The following ZNF518A variants were observed in gnomAD, a reference collection of about 807,000 sequenced individuals.
The protein encoded by ZNF518A is zinc finger protein 518.
A neutral mutation model predicts 102.7 loss-of-function variants in ZNF518A; 47 were observed. The ratio of observed to expected loss-of-function variants is 0.46; its 90% CI spans 0.36 to 0.58. The LOEUF is 0.58. Among genes scored for constraint, ZNF518A ranks in the 20% least tolerant of loss-of-function variants. The probability of loss-of-function intolerance (pLI) is 0.00; values close to 1 mark genes in which losing one functional copy is unlikely to be tolerated. For synonymous variants in ZNF518A, 652 were observed against 594.6 expected (o/e 1.10, Z -1.40); for missense variants, 1,793 against 1,699.8 (o/e 1.05, Z -0.96).
rs587603099 is a variant in ZNF518A at position 96,170,343 on chromosome 10, C to T, written n.35+14296C>T. Among the ~76,000 whole-genome samples the T allele has an allele frequency of 3.3e-4, 50 of 152,296 alleles. 2 individuals are homozygous for T. The South Asian group carries it at 9.7e-3, about 30-fold the overall frequency. On this transcript the variant is annotated intron_variant and non_coding_transcript_variant, in intron 1 of 2. Coordinates refer to the ZNF518A transcript ENST00000442635. Reference sequence around the variant, plus strand: ...TAGCAACTTTAGCTCTGGACCAACTCCAAGTTAGGCAAAATAAAGACAGGC... The same window carrying T: ...TAGCAACTTTAGCTCTGGACCAACTTCAAGTTAGGCAAAATAAAGACAGGC...
At chr10:96,141,748 AT>A (rs11361841) in intron 3 of ZNF518A, among the ~76,000 whole-genome samples, 69,350 of 124,714 alleles carry the variant, frequency 0.56, 17,871 homozygotes, top group East Asian at 0.8. Flanking sequence ...TTTCTTCTTC[AT>A]TTTTTTTTTT....
In ZNF518A at chr10:96,141,257, A is replaced by C. The variant is rs111986022; in HGVS notation, c.-302+7609A>C. On this transcript the variant is annotated intron_variant, in intron 3 of 5. Coordinates refer to ENST00000316045, the MANE Select transcript of ZNF518A (RefSeq NM_001330736.2). ...ATAATGAAATTATGTAATAGTATAA[A>C]GCAATTTGTAATAAATGGTGAGCAC... is the stretch of plus-strand genomic sequence containing the variant. Among the ~76,000 whole-genome samples, 58 of 152,356 alleles carry C rather than the reference A, an allele frequency of 3.8e-4. 2 individuals are homozygous for C. The highest frequency in any genetic ancestry group is 1.3e-3 in the African/African-American group (54 of 41,588).
intron 1 of ZNF518A, among the ~76,000 whole-genome samples, chr10:96,197,809 G>A (rs1002361792): frequency 2.0e-5 from 3 of 151,610 alleles, no homozygotes; most frequent in African/African-American, 4.8e-5. Context: ...CCAGCTACTC[G>A]GGAGGCTGAG....
intron 1 of ZNF518A, among the ~76,000 whole-genome samples, chr10:96,198,791 T>C (rs1251788759): frequency 6.6e-6 from 1 of 152,224 alleles, no homozygotes; most frequent in Non-Finnish European, 1.5e-5. Flanking sequence ...TTCCGCCTCC[T>C]AGGCCCAACC....
At chr10:96,146,728 T>A (rs2082188780) in intron 3 of ZNF518A, among the ~76,000 whole-genome samples, 1 of 152,218 alleles carries the variant, frequency 6.6e-6, no homozygotes, top group African/African-American at 2.4e-5. Flanking sequence ...CTCATTGTGT[T>A]CTCTCTGGTC....
rs1327405442 is a variant in ZNF518A at position 96,161,099 on chromosome 10, A to T, written c.*325A>T. On this transcript the variant is annotated 3_prime_UTR_variant, in exon 6 of 6. Transcript: ENST00000316045. ...CTTTAGTTCTTTAGTGACTCTTAGT[A>T]GAGGGTAATGGCTGACACCCCCATT... is the stretch of plus-strand genomic sequence containing the variant. The T allele has an allele frequency of 2.5e-5, 5 of 201,692 alleles. No individual in the cohort carries two copies. The highest frequency in any genetic ancestry group is 1.2e-4 in the Admixed American group (2 of 16,796). 12.5% of individuals were successfully genotyped at this position (201,692 alleles called of 1,614,324 possible). A position where few individuals can be genotyped will look rare whatever the true frequency, so the allele number is the denominator to read the frequency against.
downstream of ZNF518A, chr10:96,204,916 G>T (rs1441392554): frequency 1.3e-5 from 5 of 371,910 alleles, no homozygotes; most frequent in African/African-American, 1.0e-4. Flanking sequence ...TGTGAGTATA[G>T]GTGGAAGCCA....
chr10:96,137,116 G>A (rs2081635135), intron 3 of ZNF518A, among the ~76,000 whole-genome samples: 1 of 152,184 alleles, frequency 6.6e-6, no homozygotes, highest in African/African-American at 2.4e-5. Flanking sequence ...GCACCTGCTA[G>A]CATCTTTATT....
At chr10:96,140,634 A>G (rs1476187291) in intron 3 of ZNF518A, among the ~76,000 whole-genome samples, 1 of 152,142 alleles carries the variant, frequency 6.6e-6, no homozygotes, top group East Asian at 1.9e-4. Flanking sequence ...CCTACCTATT[A>G]AAAAGGTGAT....
rs782466569 is a variant in ZNF518A, at chr10:96,157,999, G to T, written c.1677G>T (p.Leu559Phe). 3 of 1,613,742 alleles carry T rather than the reference G, an allele frequency of 1.9e-6. No individual in the cohort carries two copies. Among genetic ancestry groups the T allele is most frequent in the African/African-American group, 1.3e-5 (1 of 75,014 alleles). ...CTTCTTTGTCAGCAACATCAGAATTGGTTACAGCATCAGTGAATTTGACCA... is the reference window on the plus strand; with the variant it reads ...CTTCTTTGTCAGCAACATCAGAATTTGTTACAGCATCAGTGAATTTGACCA... ...SVSSLSATSE[L>F]VTASVNLTTK... The change falls in exon 6 of 6, where the codon TTG becomes TTT. Residue 559 changes from leucine (L) to phenylalanine (F), a missense_variant. Transcript: ENST00000316045.
In ZNF518A at chr10:96,157,450, A is replaced by C. The variant is rs782187562; in HGVS notation, c.1128A>C (p.Arg376Ser). The change falls in exon 6 of 6, where the codon AGA (arginine) becomes AGC (serine). Residue 376 changes from arginine to serine, a missense_variant. By Grantham distance (110) the Arg-to-Ser change is moderately radical. This residue lies in a region of ZNF518A where 1,741 missense variants were observed against 1,622.6 expected (regional missense o/e 1.07). Coordinates refer to ENST00000316045, the MANE Select transcript of ZNF518A (RefSeq NM_001330736.2). ...ATTTAAGTGAAGAAAAGGATGAAAG[A>C]CTACACTGTGAGAATAATGATAAAG... is the stretch of plus-strand genomic sequence containing the variant. ...QEHLSEEKDE[R>S]LHCENNDKAP... The C allele has an allele frequency of 9.3e-6, 15 of 1,613,722 alleles. No homozygotes were observed. In the Admixed American group the frequency reaches 1.5e-4, roughly 16 times the overall value.
Position 96,157,622 on chromosome 10 carries a change from C to G in ZNF518A, c.1300C>G (p.Leu434Val), listed in dbSNP as rs1405985162. 3.7e-6 allele frequency: 6 copies of G among 1,613,704 alleles called. No homozygotes were observed. Among genetic ancestry groups the G allele is most frequent in the Non-Finnish European group, 5.1e-6 (6 of 1,179,802 alleles). The change falls in exon 6 of 6, where the codon CTA (leucine) becomes GTA (valine). Residue 434 changes from leucine (L) to valine (V), a missense_variant. By Grantham distance (32) the Leu-to-Val change is conservative. Transcript: ENST00000316045. ...LKNVMMKNNK[L>V]AVSPNYNATF... is the part of the protein sequence containing the mutation. ...AAATGTAATGATGAAAAATAATAAA[C>G]TAGCAGTTTCCCCTAACTATAATGC...
chr10:96,148,361 A>G (rs1327279662), intron 3 of ZNF518A, among the ~76,000 whole-genome samples: 3 of 151,872 alleles, frequency 2.0e-5, no homozygotes, highest in African/African-American at 7.3e-5. Context: ...AATCGCTTGA[A>G]CCTGGGAGGT....
At chr10:96,166,539 C>T (rs11188643), downstream of ZNF518A, among the ~76,000 whole-genome samples, 46,525 of 151,844 alleles carry the variant, frequency 0.31, 8,237 homozygotes, top group East Asian at 0.66. Context: ...GAGGCCGAGA[C>T]GGGCGGATCA....
downstream of ZNF518A, chr10:96,204,642 G>A (rs1554897014): frequency 6.2e-7 from 1 of 1,609,736 alleles, no homozygotes; most frequent in Non-Finnish European, 8.5e-7. Flanking sequence ...TATCATATTA[G>A]GATTAGAGTG....
At position 96,200,813 on chromosome 10, in the gene ZNF518A, A is replaced by C. The variant is rs191515400; in HGVS notation, n.36-2761A>C. Among the ~76,000 whole-genome samples the C allele has an allele frequency of 2.7e-4, 41 of 152,360 alleles. No homozygotes were observed. In the East Asian group the frequency reaches 7.3e-3, roughly 27 times the overall value. ...GAGCAATGTCTTAGTCATTGAAAAA[A>C]AACAACAACTGGGTATTCTGTCCCT... On this transcript the variant is annotated intron_variant and non_coding_transcript_variant, in intron 1 of 2. Coordinates refer to the ZNF518A transcript ENST00000442635. The surrounding 1 kb of genome is among the most constrained non-coding windows in gnomAD (Gnocchi z 4.3).
intron 1 of ZNF518A, among the ~76,000 whole-genome samples, chr10:96,185,251 C>A (rs2083265010): frequency 6.6e-6 from 1 of 152,190 alleles, no homozygotes. Context: ...TTTGAACATC[C>A]TCCTTTAGCT....
At chr10:96,172,447 T>C (rs2083179315) in intron 1 of ZNF518A, among the ~76,000 whole-genome samples, 1 of 152,062 alleles carries the variant, frequency 6.6e-6, no homozygotes, top group Non-Finnish European at 1.5e-5. Flanking sequence ...TATAAATATA[T>C]ACTTGTTCTT....
In ZNF518A at chr10:96,157,398, A is replaced by G; in HGVS notation, c.1076A>G (p.Glu359Gly). The G allele has an allele frequency of 6.2e-7, 1 of 1,612,540 alleles. No homozygotes were observed. The highest frequency in any genetic ancestry group is 8.5e-7 in the Non-Finnish European group (1 of 1,179,242). ...KKMNKTQTKS[E>G]DQSHVVQEHL... ...ATGAACAAAACACAGACTAAATCTGAAGACCAGAGCCATGTTGTTCAAGAG... is the reference window on the plus strand; with the variant it reads ...ATGAACAAAACACAGACTAAATCTGGAGACCAGAGCCATGTTGTTCAAGAG... The change falls in exon 6 of 6, where the codon GAA becomes GGA. Residue 359 changes from glutamate (E) to glycine (G), a missense_variant. Coordinates refer to ENST00000316045, the MANE Select transcript of ZNF518A (RefSeq NM_001330736.2).
Sources: allele counts gnomAD v4.1 joint callset (sites outside exome capture counted in the v4.1 genomes callset), GRCh38; gene constraint gnomAD v4.1.1; regional missense constraint gnomAD v4.1.1; non-coding constraint Gnocchi (gnomAD v3.1); transcripts MANE v1.5; gene names NCBI Gene and HGNC (gene_info 2026-07-23, HGNC 2026-07-21).